BICC1: variants seen among roughly 807,000 people sequenced by gnomAD.
BICC1 encodes BicC family RNA binding protein 1, also known as protein bicaudal C homolog 1.
Under a neutral mutation model 111.0 loss-of-function variants are expected in BICC1, and 43 were observed. The ratio of observed to expected loss-of-function variants is 0.39; its 90% confidence interval spans 0.30 to 0.50. The LOEUF is 0.50. Among genes scored for constraint, BICC1 ranks in the 20% least tolerant of loss-of-function variants. The pLI is 0.88. For synonymous variants in BICC1, 467 were observed against 434.4 expected (o/e 1.07, Z -0.93); for missense variants, 1,091 against 1,203.2 (o/e 0.91, Z 1.38).
intron 20 of BICC1, 121 bp from the exon 21 acceptor site, chr10:58,828,640 C>A: frequency 9.9e-7 from 1 of 1,010,036 alleles, no homozygotes; most frequent in Non-Finnish European, 1.4e-6. Flanking sequence ...CCTTTTGATA[C>A]CAGACTTGAC....
chr10:58,768,074 T>C (rs761886538), intron 3 of BICC1, among the ~76,000 whole-genome samples: 1 of 152,076 alleles, frequency 6.6e-6, no homozygotes, highest in Non-Finnish European at 1.5e-5. Context: ...GGGAAAGATA[T>C]GGACATCCAG....
intron 3 of BICC1, among the ~76,000 whole-genome samples, chr10:58,767,083 C>A (rs1297819611): frequency 6.6e-6 from 1 of 152,162 alleles, no homozygotes; most frequent in Non-Finnish European, 1.5e-5. Flanking sequence ...TAAACCCAAC[C>A]AATTCCATGG....
chr10:58,824,083 T>C (rs1322395900), intron 20 of BICC1: 1 of 984,308 alleles, frequency 1.0e-6, no homozygotes, highest in Non-Finnish European at 1.2e-6. Flanking sequence ...CAAATAAAGC[T>C]CTGTTATCTG....
chr10:58,816,285 C>A (rs1385413748), intron 18 of BICC1, among the ~76,000 whole-genome samples: 1 of 152,138 alleles, frequency 6.6e-6, no homozygotes, highest in Non-Finnish European at 1.5e-5. Flanking sequence ...AGTCACTCCT[C>A]CTCAAACTGT....
intron 2 of BICC1, among the ~76,000 whole-genome samples, chr10:58,634,051 A>ATGGCGC (rs1837881122): frequency 7.2e-6 from 1 of 138,376 alleles, no homozygotes; most frequent in Non-Finnish European, 1.5e-5. Context: ...CTGGAGTGCA[A>ATGGCGC]TGGCGCAATG....
chr10:58,808,717 AT>A (rs34786742), intron 17 of BICC1, among the ~76,000 whole-genome samples: 84 of 145,174 alleles, frequency 5.8e-4, no homozygotes, highest in East Asian at 2.3e-3. Context: ...TTTAAAAAAA[AT>A]TTTTTTTTTT....
intron 3 of BICC1, among the ~76,000 whole-genome samples, chr10:58,748,584 G>A (rs1392784397): frequency 6.6e-6 from 1 of 151,512 alleles, no homozygotes; most frequent in Non-Finnish European, 1.5e-5. Flanking sequence ...ACCTGTTCTG[G>A]TATAGTAGAA....
At position 58,828,755 on chromosome 10, in the gene BICC1, C is replaced by G. The variant is rs577366094; in HGVS notation, c.2795-6C>G. ...GCTCCTAACAATTCTCTCTTTCTCT[C>G]TCTAGAACTAAATAAAAACCGAAGA... On this transcript the variant is annotated splice_polypyrimidine_tract_variant and splice_region_variant and intron_variant, in intron 20 of 20. Coordinates refer to ENST00000373886, the MANE Select transcript of BICC1 (RefSeq NM_001080512.3). 4 of 1,612,962 alleles carry G rather than the reference C, an allele frequency of 2.5e-6. No homozygotes were observed. The Admixed American group carries it at 5.0e-5, about 20-fold the overall frequency.
At chr10:58,514,566 G>A (rs536339773) in intron 1 of BICC1, among the ~76,000 whole-genome samples, 1 of 152,312 alleles carries the variant, frequency 6.6e-6, no homozygotes, top group Non-Finnish European at 1.5e-5. Flanking sequence ...AATAGCAAGA[G>A]TGTTTGGCAG....
chr10:58,811,024 G>C (rs1589162880), intron 17 of BICC1, among the ~76,000 whole-genome samples: 1 of 152,256 alleles, frequency 6.6e-6, no homozygotes, highest in African/African-American at 2.4e-5. Context: ...AGCTCAGCTT[G>C]AGCAGTTTTT....
At chr10:58,716,213 A>G in intron 3 of BICC1, 1 of 1,507,140 alleles carries the variant, frequency 6.6e-7, no homozygotes, top group Non-Finnish European at 9.0e-7. Flanking sequence ...GCAACAGAAA[A>G]AACAAAAAAG....
At chr10:58,738,427 G>C (rs182000433) in intron 3 of BICC1, among the ~76,000 whole-genome samples, 16 of 152,038 alleles carry the variant, frequency 1.1e-4, no homozygotes, top group Admixed American at 2.0e-4. Context: ...TGAGGGCTCT[G>C]TTCTGTTCCA....
At chr10:58,739,772 TC>T (rs1447199137) in intron 3 of BICC1, among the ~76,000 whole-genome samples, 3 of 152,164 alleles carry the variant, frequency 2.0e-5, no homozygotes, top group Non-Finnish European at 4.4e-5. Context: ...TGGTAGTTTT[TC>T]CCTCTGTTAG....
intron 1 of BICC1, among the ~76,000 whole-genome samples, chr10:58,566,736 G>T (rs1193741833): frequency 6.6e-6 from 1 of 151,952 alleles, no homozygotes; most frequent in African/African-American, 2.4e-5. Context: ...GTTTTGATTT[G>T]CATTTCCCTG....
chr10:58,646,947 A>AC (rs1484963819), intron 2 of BICC1, among the ~76,000 whole-genome samples: 7 of 152,214 alleles, frequency 4.6e-5, no homozygotes, highest in African/African-American at 1.7e-4. Context: ...TTTTTAAGTA[A>AC]AAATGGTATA....
At chr10:58,769,404 G>GTGTGTGTGTGTA (rs1050060686) in intron 3 of BICC1, among the ~76,000 whole-genome samples, 7 of 109,746 alleles carry the variant, frequency 6.4e-5, no homozygotes, top group African/African-American at 2.2e-4. Context: ...GTGTGTGTGT[G>GTGTGTGTGTGTA]TATATATATA....
At chr10:58,770,810 C>T (rs943433954) in intron 3 of BICC1, among the ~76,000 whole-genome samples, 14 of 152,126 alleles carry the variant, frequency 9.2e-5, no homozygotes, top group African/African-American at 3.4e-4. Flanking sequence ...GTTATAAATG[C>T]CATCTTAGGC....
At chr10:58,798,774 G>A (rs1843440988) in intron 11 of BICC1, among the ~76,000 whole-genome samples, 1 of 152,172 alleles carries the variant, frequency 6.6e-6, no homozygotes, top group South Asian at 2.1e-4. Flanking sequence ...ATCTTCAAAT[G>A]TGATAAACAG....
intron 2 of BICC1, among the ~76,000 whole-genome samples, chr10:58,671,882 C>T (rs1839195149): frequency 6.6e-6 from 1 of 152,096 alleles, no homozygotes; most frequent in Non-Finnish European, 1.5e-5. Context: ...TATTTGGTTT[C>T]TCATCAGCAT....
Sources: allele counts gnomAD v4.1 joint callset (sites outside exome capture counted in the v4.1 genomes callset), GRCh38; gene constraint gnomAD v4.1.1; transcripts MANE v1.5; gene names NCBI Gene and HGNC (gene_info 2026-07-23, HGNC 2026-07-21).